Variants in RBMS1 observed in about 807,000 individuals in gnomAD.
RBMS1 encodes RNA-binding motif, single-stranded-interacting protein 1.
A neutral mutation model predicts 62.3 loss-of-function variants in RBMS1; 17 were observed. That is an observed-to-expected ratio of 0.27 (90% CI 0.19 to 0.41). RBMS1 has a LOEUF of 0.41. RBMS1 is among the 10% of genes least tolerant of loss of function. RBMS1 has a pLI of 1.00. For missense variants in RBMS1, 334 were observed against 504.5 expected, an observed-to-expected ratio of 0.66 and a Z score of 3.24; for synonymous variants, 172 against 170.0, an observed-to-expected ratio of 1.01 and a Z score of -0.09.
chr2:160,348,378 T>C (rs551241407), intron 2 of RBMS1, among the ~76,000 whole-genome samples: 1 of 152,312 alleles, frequency 6.6e-6, no homozygotes, highest in South Asian at 2.1e-4. Flanking sequence ...GGTATGTGTG[T>C]ATGTGTATTT....
intron 1 of RBMS1, among the ~76,000 whole-genome samples, chr2:160,386,883 G>A (rs1193003354): frequency 6.6e-6 from 1 of 152,154 alleles, no homozygotes; most frequent in Non-Finnish European, 1.5e-5. Context: ...AATTCCCTCA[G>A]TATTTTTCAC....
At chr2:160,351,587 C>A (rs1243500152) in intron 2 of RBMS1, among the ~76,000 whole-genome samples, 1 of 152,020 alleles carries the variant, frequency 6.6e-6, no homozygotes, top group Admixed American at 6.6e-5. Flanking sequence ...AAAAAACTTT[C>A]AACAAAGATG....
chr2:160,450,573 A>AAAC (rs1553528047), intron 1 of RBMS1, among the ~76,000 whole-genome samples: 2 of 150,018 alleles, frequency 1.3e-5, no homozygotes, highest in Admixed American at 6.7e-5. Flanking sequence ...TGAAAAAAAA[A>AAAC]AAAAAACAAA....
chr2:160,456,386 C>G (rs1684231849), intron 1 of RBMS1, among the ~76,000 whole-genome samples: 1 of 152,132 alleles, frequency 6.6e-6, no homozygotes. Flanking sequence ...TCATCTGGCA[C>G]TTTTGCAAAG....
At chr2:160,455,067 G>A (rs1684161798) in intron 1 of RBMS1, among the ~76,000 whole-genome samples, 1 of 152,098 alleles carries the variant, frequency 6.6e-6, no homozygotes, top group African/African-American at 2.4e-5. Context: ...GCAGATCCTG[G>A]TTCCTAGAAT....
Position 160,341,024 on chromosome 2 carries a change from A to G in RBMS1, c.252-22797T>C, listed in dbSNP as rs533793255. ...TATAAAATGTTCTTTTAAAAATATT[A>G]TAAAATTGGTCTTGAAGAATCAGAA... On this transcript the variant is annotated intron_variant, in intron 2 of 13. Coordinates refer to ENST00000348849, the MANE Select transcript of RBMS1 (RefSeq NM_016836.4). 7.9e-5 allele frequency among the ~76,000 whole-genome samples: 12 copies of G among 152,290 alleles called. No individual in the cohort carries two copies. In the South Asian group the frequency reaches 2.5e-3, roughly 32 times the overall value.
At chr2:160,310,316 T>C (rs1046151773) in intron 4 of RBMS1, among the ~76,000 whole-genome samples, 4 of 152,222 alleles carry the variant, frequency 2.6e-5, no homozygotes, top group African/African-American at 7.2e-5. Flanking sequence ...CAGCCAACAA[T>C]TGCTTTTTAG....
At chr2:160,373,275 C>T (rs180844133) in intron 1 of RBMS1, among the ~76,000 whole-genome samples, 6 of 152,318 alleles carry the variant, frequency 3.9e-5, no homozygotes, top group Non-Finnish European at 7.4e-5. Context: ...GCATGTAAAA[C>T]TGCAATCTCC....
chr2:160,356,095 A>AT (rs989847523), intron 2 of RBMS1, among the ~76,000 whole-genome samples: 5 of 152,090 alleles, frequency 3.3e-5, no homozygotes, highest in African/African-American at 1.2e-4. Flanking sequence ...CCCCTAAAAA[A>AT]TTGTTTCTTT....
chr2:160,368,244 G>A (rs1693516780), intron 1 of RBMS1, among the ~76,000 whole-genome samples: 1 of 152,156 alleles, frequency 6.6e-6, no homozygotes, highest in Non-Finnish European at 1.5e-5. Flanking sequence ...AACCCCAAGT[G>A]TCCTCACAGC....
At chr2:160,388,645 C>T (rs1483074383) in intron 1 of RBMS1, among the ~76,000 whole-genome samples, 2 of 152,198 alleles carry the variant, frequency 1.3e-5, no homozygotes, top group Non-Finnish European at 2.9e-5. Flanking sequence ...CACTCCCCAG[C>T]AGGAAAAGGC....
intron 1 of RBMS1, among the ~76,000 whole-genome samples, chr2:160,473,877 T>C (rs1381615293): frequency 6.6e-6 from 1 of 152,190 alleles, no homozygotes; most frequent in Admixed American, 6.5e-5. Flanking sequence ...TATAAATATT[T>C]TCAATACCTT....
At chr2:160,294,947 G>A (rs115888879) in intron 6 of RBMS1, among the ~76,000 whole-genome samples, 1 of 150,958 alleles carries the variant, frequency 6.6e-6, no homozygotes, top group African/African-American at 2.4e-5. Context: ...ACCATTCAGG[G>A]GATATAAAGA....
intron 6 of RBMS1, among the ~76,000 whole-genome samples, chr2:160,299,576 G>A (rs1689108831): frequency 1.3e-5 from 2 of 152,314 alleles, no homozygotes; most frequent in African/African-American, 4.8e-5. Flanking sequence ...GGCAATGACT[G>A]GCAGAGCAAT....
At chr2:160,350,153 T>G (rs1369716232) in intron 2 of RBMS1, among the ~76,000 whole-genome samples, 2 of 151,720 alleles carry the variant, frequency 1.3e-5, no homozygotes, top group Non-Finnish European at 2.9e-5. Flanking sequence ...TAAGGTCTTG[T>G]AGCCATCGTA....
At chr2:160,486,522 T>A (rs549779841) in intron 1 of RBMS1, among the ~76,000 whole-genome samples, 1 of 152,296 alleles carries the variant, frequency 6.6e-6, no homozygotes, top group East Asian at 1.9e-4. Context: ...TCACTGTTTA[T>A]CTGGGACCCA....
At chr2:160,371,301 T>TAC (rs1445424238) in intron 1 of RBMS1, among the ~76,000 whole-genome samples, 1 of 152,252 alleles carries the variant, frequency 6.6e-6, no homozygotes, top group Non-Finnish European at 1.5e-5. Flanking sequence ...GTAGTCCTTC[T>TAC]ACATTTTGCC....
chr2:160,371,009 C>T (rs1010998017), intron 1 of RBMS1, among the ~76,000 whole-genome samples: 1 of 152,152 alleles, frequency 6.6e-6, no homozygotes, highest in South Asian at 2.1e-4. Context: ...ATAAATTCTA[C>T]AAACAACTTC....
intron 2 of RBMS1, among the ~76,000 whole-genome samples, chr2:160,337,056 A>G (rs1271490794): frequency 2.0e-5 from 3 of 152,084 alleles, no homozygotes; most frequent in East Asian, 3.8e-4. Context: ...TTTTGGGGTT[A>G]ATCTCTGAGA....
Sources: allele counts gnomAD v4.1 joint callset (sites outside exome capture counted in the v4.1 genomes callset), GRCh38; gene constraint gnomAD v4.1.1; transcripts MANE v1.5; gene names NCBI Gene and HGNC (gene_info 2026-07-23, HGNC 2026-07-21).